The following RSRC1 variants were observed in gnomAD, a reference collection of about 807,000 sequenced individuals.
The protein encoded by RSRC1 is arginine and serine rich coiled-coil 1.
Under a neutral mutation model 49.1 loss-of-function variants are expected in RSRC1, and 39 were observed. That is an observed-to-expected ratio of 0.79 (90% CI 0.61 to 1.04). The LOEUF is 1.04. Among genes scored for constraint, RSRC1 ranks in the 50% least tolerant of loss-of-function variants. The probability of loss-of-function intolerance (pLI) is 0.00; values close to 1 mark genes in which losing one functional copy is unlikely to be tolerated. For missense variants in RSRC1, 388 were observed against 402.4 expected (o/e 0.96, Z 0.31); for synonymous variants, 143 against 130.8 (o/e 1.09, Z -0.63).
chr3:158,401,123 G>C (rs994018524), intron 6 of RSRC1, among the ~76,000 whole-genome samples: 3 of 152,018 alleles, frequency 2.0e-5, no homozygotes, highest in Non-Finnish European at 4.4e-5. Context: ...TAGATGTGTA[G>C]TAGGCTATAC....
chr3:158,202,576 A>ATATATATATATATATATATATG (rs1721117641), intron 3 of RSRC1, among the ~76,000 whole-genome samples: 1 of 142,352 alleles, frequency 7.0e-6, no homozygotes, highest in Non-Finnish European at 1.5e-5. Flanking sequence ...ATATATATAT[A>ATATATATATATATATATATATG]TATATGTTTT....
rs929059718 is a variant in RSRC1 at position 158,166,382 on chromosome 3, G to A, written c.321-36690G>A. On this transcript the variant is annotated intron_variant, in intron 3 of 9. Coordinates refer to ENST00000611884, the MANE Select transcript of RSRC1 (RefSeq NM_001271838.2). ...CAATGAGCTTGTTGTCTTGTTACAC[G>A]TAATCATAACCATGTGTGGGAGGTT... Among the ~76,000 whole-genome samples, 10 of 152,156 alleles carry A rather than the reference G, an allele frequency of 6.6e-5. No individual in the cohort carries two copies. In the East Asian group the frequency reaches 7.7e-4, roughly 12 times the overall value.
At chr3:158,300,996 T>C (rs916702719) in intron 5 of RSRC1, among the ~76,000 whole-genome samples, 2 of 152,150 alleles carry the variant, frequency 1.3e-5, no homozygotes, top group African/African-American at 2.4e-5. Context: ...AGGTGGACTC[T>C]TCCCCTGGAA....
chr3:158,364,816 A>AAATAGTAAT (rs1553794025), intron 6 of RSRC1, among the ~76,000 whole-genome samples: 1 of 144,210 alleles, frequency 6.9e-6, no homozygotes, highest in East Asian at 2.0e-4. Context: ...AGAATGGGAA[A>AAATAGTAAT]AATAATAATA....
At chr3:158,417,559 C>G (rs969823389) in intron 6 of RSRC1, among the ~76,000 whole-genome samples, 1 of 151,742 alleles carries the variant, frequency 6.6e-6, no homozygotes, top group African/African-American at 2.4e-5. Context: ...ATGAGACATA[C>G]GAGTGATTAG....
intron 3 of RSRC1, among the ~76,000 whole-genome samples, chr3:158,130,238 C>T (rs527787237): frequency 4.4e-4 from 67 of 152,270 alleles, no homozygotes; most frequent in African/African-American, 1.5e-3. Flanking sequence ...GCTCCACTCT[C>T]ATGACCTAAT....
chr3:158,208,516 A>G (rs1246598236), intron 4 of RSRC1, among the ~76,000 whole-genome samples: 2 of 152,062 alleles, frequency 1.3e-5, no homozygotes, highest in Non-Finnish European at 2.9e-5. Context: ...AGTGTTCACC[A>G]CGAAACTTGG....
chr3:158,140,028 A>T (rs1251071140), intron 3 of RSRC1, among the ~76,000 whole-genome samples: 1 of 152,178 alleles, frequency 6.6e-6, no homozygotes, highest in Non-Finnish European at 1.5e-5. Flanking sequence ...GTTGAAATAC[A>T]TGGTAAATTT....
intron 1 of RSRC1, among the ~76,000 whole-genome samples, chr3:158,113,000 T>C (rs1227966144): frequency 6.6e-6 from 1 of 152,252 alleles, no homozygotes; most frequent in Non-Finnish European, 1.5e-5. Flanking sequence ...CTCCATAATA[T>C]TCTGTGATGT....
chr3:158,353,233 C>T (rs1730972588), intron 5 of RSRC1, among the ~76,000 whole-genome samples: 1 of 152,202 alleles, frequency 6.6e-6, no homozygotes, highest in African/African-American at 2.4e-5. Flanking sequence ...TAGACACATT[C>T]CTTTCAATTC....
intron 3 of RSRC1, among the ~76,000 whole-genome samples, chr3:158,177,969 A>G (rs1455842389): frequency 2.0e-5 from 3 of 152,170 alleles, no homozygotes; most frequent in East Asian, 3.9e-4. Flanking sequence ...TTCTATTTTT[A>G]TGTGTGTCCG....
intron 5 of RSRC1, among the ~76,000 whole-genome samples, chr3:158,335,448 A>T (rs894893778): frequency 1.3e-5 from 2 of 152,236 alleles, no homozygotes; most frequent in Non-Finnish European, 2.9e-5. Flanking sequence ...CAGTGAAAGA[A>T]TAAGCTTGGG....
At chr3:158,428,995 A>T (rs1735619954) in intron 6 of RSRC1, among the ~76,000 whole-genome samples, 1 of 151,852 alleles carries the variant, frequency 6.6e-6, no homozygotes. Flanking sequence ...GTAGCAGGTT[A>T]TTCTTGAACT....
chr3:158,348,407 G>A (rs1174100888), intron 5 of RSRC1, among the ~76,000 whole-genome samples: 1 of 152,038 alleles, frequency 6.6e-6, no homozygotes, highest in Non-Finnish European at 1.5e-5. Flanking sequence ...GTATGCTTTG[G>A]CAGTATTTTG....
intron 3 of RSRC1, among the ~76,000 whole-genome samples, chr3:158,138,430 T>C (rs1716538588): frequency 6.6e-6 from 1 of 152,232 alleles, no homozygotes; most frequent in Admixed American, 6.5e-5. Flanking sequence ...GCCTCATTTA[T>C]GCAGCGTGAC....
intron 6 of RSRC1, among the ~76,000 whole-genome samples, chr3:158,418,967 T>C (rs1013720805): frequency 4.6e-5 from 7 of 152,138 alleles, no homozygotes; most frequent in South Asian, 2.1e-4. Flanking sequence ...ACTTTTAAGT[T>C]CTGATCTCAC....
rs959522030 is a variant in RSRC1 at position 158,346,415 on chromosome 3, C to A, written c.532-8442C>A. ...TTTGCAAACTATATGAAATAAATTA[C>A]TTTTGTTAAAAAACTCTGGAAACTC... On this transcript the variant is annotated intron_variant, in intron 5 of 9. Transcript: ENST00000611884. Among the ~76,000 whole-genome samples the A allele has an allele frequency of 3.9e-5, 6 of 152,186 alleles. No homozygotes were observed. In the East Asian group the frequency reaches 9.6e-4, roughly 24 times the overall value.
chr3:158,379,795 C>T (rs1199131514), intron 6 of RSRC1, among the ~76,000 whole-genome samples: 4 of 149,986 alleles, frequency 2.7e-5, no homozygotes, highest in African/African-American at 1.0e-4. Context: ...CCTACACATA[C>T]ATACAAACAC....
At chr3:158,406,921 T>C (rs185310696) in intron 6 of RSRC1, among the ~76,000 whole-genome samples, 1 of 152,084 alleles carries the variant, frequency 6.6e-6, no homozygotes, top group African/African-American at 2.4e-5. Flanking sequence ...TTTATTATTC[T>C]GGAGATTTAA....
Sources: gnomAD v4.1 joint callset for allele counts (sites outside exome capture counted in the v4.1 genomes callset) on GRCh38, gnomAD v4.1.1 for gene constraint, MANE v1.5 for transcripts, NCBI Gene and HGNC (gene_info 2026-07-23, HGNC 2026-07-21) for gene names.